The following NEDD4L variants were observed in gnomAD, a reference collection of about 807,000 sequenced individuals.
NEDD4L encodes NEDD4 like E3 ubiquitin protein ligase.
Under a neutral mutation model 148.9 loss-of-function variants are expected in NEDD4L, and 54 were observed. That is an observed-to-expected ratio of 0.36 (90% CI 0.29 to 0.45). The LOEUF is 0.45. Among genes scored for constraint, NEDD4L ranks in the 20% least tolerant of loss-of-function variants. The probability of loss-of-function intolerance (pLI) is 1.00; values close to 1 mark genes in which losing one functional copy is unlikely to be tolerated. For synonymous variants in NEDD4L, 433 were observed against 440.7 expected (o/e 0.98, Z 0.22); for missense variants, 856 against 1,233.8 (o/e 0.69, Z 4.59).
In NEDD4L at chr18:58,095,520, GC is replaced by G. The variant is rs567524722; in HGVS notation, c.48+50814del. ...GAAGATGGGACTGGAATGCAGAGGG[GC>G]CTTGCAGGGCTCAGTCGGGGCCAAA... On this transcript the variant is annotated intron_variant, in intron 1 of 30. Transcript: ENST00000400345. 3.4e-5 allele frequency among the ~76,000 whole-genome samples: 5 copies of G among 147,958 alleles called. No individual in the cohort carries two copies. The South Asian group carries it at 1.0e-3, about 31-fold the overall frequency.
intron 2 of NEDD4L, among the ~76,000 whole-genome samples, chr18:58,210,783 TAAA>T (rs1166116842): frequency 2.6e-5 from 4 of 152,088 alleles, no homozygotes; most frequent in African/African-American, 7.2e-5. Flanking sequence ...TCTGATGAAT[TAAA>T]AAAATAAAAA....
intron 1 of NEDD4L, among the ~76,000 whole-genome samples, chr18:58,049,795 G>T (rs1313202397): frequency 6.6e-6 from 1 of 151,942 alleles, no homozygotes; most frequent in African/African-American, 2.4e-5. Flanking sequence ...TGGGCAACGT[G>T]GTGAAACCCC....
intron 16 of NEDD4L, among the ~76,000 whole-genome samples, chr18:58,345,062 C>T (rs1352323864): frequency 6.6e-6 from 1 of 152,214 alleles, no homozygotes; most frequent in East Asian, 1.9e-4. Context: ...TGAATGAAAC[C>T]CATTTTTACT....
intron 2 of NEDD4L, chr18:58,195,535 T>C: frequency 7.5e-7 from 1 of 1,341,464 alleles, no homozygotes; most frequent in Non-Finnish European, 9.8e-7. Context: ...CGGGAGCGGC[T>C]GCAGAGCCCT....
Position 58,397,111 on chromosome 18 carries a change from A to C in NEDD4L, c.*842A>C, listed in dbSNP as rs2050544614. The stretch of plus-strand genomic sequence containing the variant: ...TTGGACTCCCATTTCTCATCCGAGA[A>C]ATTACTTAACCCTTCCTGGCGCTGT... On this transcript the variant is annotated 3_prime_UTR_variant, in exon 31 of 31. Transcript: ENST00000400345. 1.3e-5 allele frequency: 2 copies of C among 152,614 alleles called. No homozygotes were observed. Among genetic ancestry groups the C allele is most frequent in the Non-Finnish European group, 2.9e-5 (2 of 68,036 alleles). 9.5% of individuals were successfully genotyped at this position (152,614 alleles called of 1,614,324 possible).
chr18:58,348,326 C>CTTTTTTTTCTTTGT (rs2043371626), intron 16 of NEDD4L, among the ~76,000 whole-genome samples: 1 of 88,672 alleles, frequency 1.1e-5, no homozygotes, highest in African/African-American at 5.4e-5. Flanking sequence ...TCTTTTTTTT[C>CTTTTTTTTCTTTGT]TTTTTTTTTT....
chr18:58,247,097 G>C (rs1433016139), intron 3 of NEDD4L, among the ~76,000 whole-genome samples: 1 of 152,084 alleles, frequency 6.6e-6, no homozygotes, highest in Non-Finnish European at 1.5e-5. Flanking sequence ...ATCATTTATG[G>C]GTTACTATGA....
chr18:58,166,273 G>C (rs762904304), intron 2 of NEDD4L, among the ~76,000 whole-genome samples: 6 of 152,220 alleles, frequency 3.9e-5, no homozygotes, highest in Non-Finnish European at 7.3e-5. Flanking sequence ...TCTGAATTAA[G>C]AGATTTGGTG....
intron 3 of NEDD4L, among the ~76,000 whole-genome samples, chr18:58,246,490 G>C (rs1399385672): frequency 6.6e-6 from 1 of 152,114 alleles, no homozygotes; most frequent in Non-Finnish European, 1.5e-5. Context: ...TTGAGATGGA[G>C]TGTCACTCTG....
At chr18:58,106,127 G>T (rs2085058789) in intron 1 of NEDD4L, among the ~76,000 whole-genome samples, 3 of 152,210 alleles carry the variant, frequency 2.0e-5, no homozygotes, top group African/African-American at 7.2e-5. Context: ...CTGGGTAGCA[G>T]ATGGTCCCCA....
At chr18:58,198,685 A>G (rs1464174472) in intron 2 of NEDD4L, among the ~76,000 whole-genome samples, 1 of 152,230 alleles carries the variant, frequency 6.6e-6, no homozygotes, top group Non-Finnish European at 1.5e-5. Flanking sequence ...GTTAAGAATG[A>G]TTTCTAATTT....
chr18:58,351,764 G>C (rs921903014), intron 18 of NEDD4L, among the ~76,000 whole-genome samples: 1 of 152,106 alleles, frequency 6.6e-6, no homozygotes, highest in Non-Finnish European at 1.5e-5. Context: ...CCTTCAAATA[G>C]ATGTAAAGTT....
chr18:58,187,638 C>T lies in NEDD4L; in HGVS notation c.122+21777C>T, dbSNP rs552351523. On this transcript the variant is annotated intron_variant, in intron 2 of 30. Coordinates refer to ENST00000400345, the MANE Select transcript of NEDD4L (RefSeq NM_001144967.3). ...ATTGAGTTTTTTTGTGTTCTGAATA[C>T]GTGTTAAGATTAATTATGAAAATCA... 7.9e-5 allele frequency among the ~76,000 whole-genome samples: 12 copies of T among 151,838 alleles called. 1 individual carries two copies. In the East Asian group the frequency reaches 1.4e-3, roughly 17 times the overall value.
chr18:58,081,212 C>CTTTTTTTTT (rs34446805), intron 1 of NEDD4L, among the ~76,000 whole-genome samples: 3 of 120,832 alleles, frequency 2.5e-5, no homozygotes, highest in African/African-American at 7.7e-5. Flanking sequence ...GAACACCACC[C>CTTTTTTTTT]TTTTTTTTTT....
At position 58,256,582 on chromosome 18, in the gene NEDD4L, T is replaced by C. The variant is rs1415463203; in HGVS notation, c.297+4528T>C. 5 of 1,232,096 alleles carry C rather than the reference T, an allele frequency of 4.1e-6. No homozygotes were observed. The African/African-American group carries it at 7.8e-5, about 19-fold the overall frequency. The allele number at this position is 1,232,096 out of a possible 1,614,324, so 76.3% of individuals were successfully genotyped here. ...CATCGCCTCGAGCTGGCAGGATGGC[T>C]CCTGAAATCCGCAGGACGAACTCCG... On this transcript the variant is annotated intron_variant, in intron 5 of 30. Transcript: ENST00000400345. The surrounding 1 kb of genome is among the most constrained non-coding windows in gnomAD (Gnocchi z 5.2).
At chr18:58,251,514 T>A (rs112729431) in intron 4 of NEDD4L, among the ~76,000 whole-genome samples, 15,515 of 151,158 alleles carry the variant, frequency 0.1, 1,066 homozygotes, top group Non-Finnish European at 0.15. Flanking sequence ...ACCGTCTGTC[T>A]CTGTCTGTCT....
chr18:58,063,208 G>C (rs2082422304), intron 1 of NEDD4L, among the ~76,000 whole-genome samples: 1 of 151,432 alleles, frequency 6.6e-6, no homozygotes, highest in African/African-American at 2.4e-5. Flanking sequence ...ACCATGCCTG[G>C]CTAATTTTTT....
chr18:58,374,621 G>C (rs1340849664), intron 24 of NEDD4L, among the ~76,000 whole-genome samples: 1 of 151,912 alleles, frequency 6.6e-6, no homozygotes, highest in Non-Finnish European at 1.5e-5. Context: ...CCCCAGGACC[G>C]AGAGTACTGG....
In NEDD4L at chr18:58,401,396, T is replaced by G. The variant is rs555910253; in HGVS notation, c.*5127T>G. 6.6e-6 allele frequency: 1 copy of G among 151,916 alleles called. No individual in the cohort carries two copies. The highest frequency in any genetic ancestry group is 2.4e-5 in the African/African-American group (1 of 41,528). 9.4% of individuals were successfully genotyped at this position (151,916 alleles called of 1,614,324 possible). A position where few individuals can be genotyped will look rare whatever the true frequency, so the allele number is the denominator to read the frequency against. On this transcript the variant is annotated 3_prime_UTR_variant, in exon 31 of 31. Coordinates refer to ENST00000400345, the MANE Select transcript of NEDD4L (RefSeq NM_001144967.3). Reference sequence around the variant, plus strand: ...TTGAAGAACAATCCTTTCGCTTTTCTTTTTTCTTGAGAGATCTAAAGAGAA... The same window carrying G: ...TTGAAGAACAATCCTTTCGCTTTTCGTTTTTCTTGAGAGATCTAAAGAGAA...
Sources: allele counts gnomAD v4.1 joint callset (sites outside exome capture counted in the v4.1 genomes callset), GRCh38; gene constraint gnomAD v4.1.1; non-coding constraint Gnocchi (gnomAD v3.1); transcripts MANE v1.5; gene names NCBI Gene and HGNC (gene_info 2026-07-23, HGNC 2026-07-21).